Variants in LGR6 observed in about 807,000 individuals in gnomAD.
The protein encoded by LGR6 is leucine-rich repeat-containing G protein-coupled receptor 6.
In LGR6, 45 loss-of-function variants were observed where a neutral mutation model predicts 69.4. The observed-to-expected ratio is 0.65, with a 90% CI of 0.51 to 0.83. LGR6 has a LOEUF of 0.83. Among genes scored for constraint, LGR6 ranks in the 40% least tolerant of loss-of-function variants. The pLI, the probability that LGR6 is intolerant of heterozygous loss-of-function variation, is 0.00. For synonymous variants in LGR6, 538 were observed against 555.0 expected, an observed-to-expected ratio of 0.97 and a Z score of 0.43; for missense variants, 1,108 against 1,246.7, an observed-to-expected ratio of 0.89 and a Z score of 1.68.
chr1:202,272,703 A>G (rs1302775648), intron 4 of LGR6, among the ~76,000 whole-genome samples: 1 of 152,240 alleles, frequency 6.6e-6, no homozygotes, highest in Non-Finnish European at 1.5e-5. Context: ...CACAAAATGC[A>G]GGAGATGGAC....
At chr1:202,287,891 T>C (rs919171609) in intron 6 of LGR6, among the ~76,000 whole-genome samples, 2 of 152,228 alleles carry the variant, frequency 1.3e-5, no homozygotes, top group African/African-American at 4.8e-5. Context: ...TTCATTCTTG[T>C]CATCCTACAA....
chr1:202,277,221 G>A (rs1571948353), intron 5 of LGR6, among the ~76,000 whole-genome samples: 3 of 152,212 alleles, frequency 2.0e-5, no homozygotes, highest in East Asian at 1.9e-4. Flanking sequence ...ATGCATGTTA[G>A]TGACTCTACT....
chr1:202,197,160 A>G (rs548376108), intron 1 of LGR6: 9 of 515,696 alleles, frequency 1.7e-5, no homozygotes, highest in South Asian at 1.2e-4. Context: ...CTCAATAAAA[A>G]TGACATCACA....
intron 3 of LGR6, 140 bp from the exon 4 acceptor site, chr1:202,235,782 C>T: frequency 2.9e-6 from 2 of 683,700 alleles, no homozygotes; most frequent in Non-Finnish European, 2.6e-6. Context: ...GGAGCTGGAC[C>T]AGACTCTCTC....
Position 202,193,894 on chromosome 1 carries a change from C to T in LGR6, c.-96C>T. ...GAGCCCCTGGGGCGGTCCCCACCGA[C>T]GGTGCAGCCCGCCGGGACCGGGAGG... On this transcript the variant is annotated 5_prime_UTR_variant, in exon 1 of 18. It adds an upstream start codon to the 5' untranslated region. Transcript: ENST00000367278. The T allele has an allele frequency of 1.3e-6, 1 of 767,914 alleles. No individual in the cohort carries two copies. The highest frequency in any genetic ancestry group is 1.7e-6 in the Non-Finnish European group (1 of 572,012). 47.6% of individuals were successfully genotyped at this position (767,914 alleles called of 1,614,324 possible). A position where few individuals can be genotyped will look rare whatever the true frequency, so the allele number is the denominator to read the frequency against.
chr1:202,284,118 G>A (rs1207602366), intron 6 of LGR6, among the ~76,000 whole-genome samples: 1 of 152,004 alleles, frequency 6.6e-6, no homozygotes, highest in Non-Finnish European at 1.5e-5. Context: ...AACAAATCGT[G>A]CCAACTCCAC....
rs1339778300 is a variant in LGR6 at position 202,316,630 on chromosome 1, C to T, written c.1649-1322C>T. ...TTTTAAAGACTGGACGGAAGCATAC[C>T]AAAATAATGAGTTATCTCTGAGAGG... is the stretch of plus-strand genomic sequence containing the variant. On this transcript the variant is annotated intron_variant, in intron 17 of 17. Coordinates refer to ENST00000367278, the MANE Select transcript of LGR6 (RefSeq NM_001017403.2). Among the ~76,000 whole-genome samples, 4 of 152,038 alleles carry T rather than the reference C, an allele frequency of 2.6e-5. No individual in the cohort carries two copies. The South Asian group carries it at 8.3e-4, about 32-fold the overall frequency.
intron 6 of LGR6, among the ~76,000 whole-genome samples, chr1:202,284,460 C>T (rs914125637): frequency 7.9e-5 from 12 of 152,180 alleles, no homozygotes; most frequent in Admixed American, 2.6e-4. Context: ...TTGCAAGTGA[C>T]GGTAAACCAC....
At chr1:202,305,636 C>T in intron 11 of LGR6, 48 bp from the exon 12 acceptor site, 1 of 1,548,582 alleles carries the variant, frequency 6.5e-7, no homozygotes, top group East Asian at 2.2e-5. Flanking sequence ...GAGCAGCCCT[C>T]AGATAGCCAC....
chr1:202,211,748 C>CAAAT (rs75857531), intron 1 of LGR6, among the ~76,000 whole-genome samples: 107 of 152,236 alleles, frequency 7.0e-4, no homozygotes, highest in Non-Finnish European at 9.0e-4. Context: ...TTTCCATAAG[C>CAAAT]AAATACACTT....
chr1:202,300,615 G>A (rs956735213), intron 7 of LGR6, among the ~76,000 whole-genome samples: 2 of 149,844 alleles, frequency 1.3e-5, no homozygotes, highest in East Asian at 2.0e-4. Flanking sequence ...AGCCAAGATC[G>A]CATCATTGCA....
intron 1 of LGR6, among the ~76,000 whole-genome samples, chr1:202,211,329 A>G (rs571115652): frequency 4.9e-4 from 75 of 152,346 alleles, no homozygotes; most frequent in African/African-American, 1.7e-3. Flanking sequence ...GGGAGCCCTC[A>G]GAAAGCCTGA....
Position 202,318,271 on chromosome 1 carries a change from G to C in LGR6, c.1968G>C (p.Ser656=). 1.2e-6 allele frequency: 2 copies of C among 1,606,020 alleles called. No individual in the cohort carries two copies. The highest frequency in any genetic ancestry group is 1.7e-6 in the Non-Finnish European group (2 of 1,175,550). ...GFLAVLGSEA[S]VLLLTLAAVQ... ...TGGCAGTACTTGGGTCGGAGGCATC[G>C]GTGCTGCTGCTCACTCTGGCCGCAG... The change falls in exon 18 of 18, where the codon TCG becomes TCC. Residue 656 remains serine (S), a synonymous_variant. Transcript: ENST00000367278.
chr1:202,287,651 G>C (rs763856163), intron 6 of LGR6, among the ~76,000 whole-genome samples: 4 of 152,080 alleles, frequency 2.6e-5, no homozygotes, highest in Non-Finnish European at 4.4e-5. Context: ...CTCAGTGATG[G>C]CAGCTTTACT....
chr1:202,258,033 G>A (rs1391488333), intron 4 of LGR6, among the ~76,000 whole-genome samples: 1 of 151,842 alleles, frequency 6.6e-6, no homozygotes, highest in Non-Finnish European at 1.5e-5. Flanking sequence ...CACTGTTTTT[G>A]TTAAATTTAT....
chr1:202,319,096 C>T lies in LGR6; in HGVS notation c.2793C>T (p.Ser931=). ...EGNHFGNPQP[S]MDGELLLRAE... is the part of the protein sequence containing the mutation. ...ACCACTTTGGGAACCCCCAACCCTC[C>T]ATGGATGGAGAACTGCTGCTGAGGG... Residue 931 remains serine, a synonymous_variant, in exon 18 of 18, where the codon TCC becomes TCT. Transcript: ENST00000367278. The T allele has an allele frequency of 1.2e-6, 2 of 1,614,228 alleles. No individual in the cohort carries two copies. The highest frequency in any genetic ancestry group is 1.1e-5 in the South Asian group (1 of 91,088).
chr1:202,291,524 T>A (rs1666792005), intron 6 of LGR6, among the ~76,000 whole-genome samples: 1 of 152,234 alleles, frequency 6.6e-6, no homozygotes, highest in Non-Finnish European at 1.5e-5. Context: ...TCTACAACAA[T>A]GAACATTCAC....
chr1:202,204,459 A>ACT (rs1553238113), intron 1 of LGR6, among the ~76,000 whole-genome samples: 16 of 50,406 alleles, frequency 3.2e-4, no homozygotes, highest in Admixed American at 5.3e-4. Context: ...ACACACACAC[A>ACT]CCTCCACACA....
chr1:202,206,897 ATTT>A (rs1399776818), intron 1 of LGR6, among the ~76,000 whole-genome samples: 11 of 30,278 alleles, frequency 3.6e-4, no homozygotes, highest in Non-Finnish European at 8.7e-4. Flanking sequence ...TATTTTATTT[ATTT>A]ATTTATTTAT....
Sources: allele counts gnomAD v4.1 joint callset (sites outside exome capture counted in the v4.1 genomes callset), GRCh38; gene constraint gnomAD v4.1.1; transcripts MANE v1.5; gene names NCBI Gene and HGNC (gene_info 2026-07-23, HGNC 2026-07-21).